DCLRE1C: variants seen among roughly 807,000 people sequenced by gnomAD.
DCLRE1C encodes the protein DNA cross-link repair 1C.
DCLRE1C carries 47 observed loss-of-function variants against 61.4 expected under a neutral mutation model. The observed-to-expected ratio is 0.77, with a 90% CI of 0.61 to 0.98. The LOEUF is 0.98. Among genes scored for constraint, DCLRE1C ranks in the 50% least tolerant of loss-of-function variants. The pLI is 0.00. For synonymous variants in DCLRE1C, 337 were observed against 287.6 expected (o/e 1.17, Z -1.74); for missense variants, 858 against 816.0 (o/e 1.05, Z -0.63).
chr10:14,933,036 A>T, intron 8 of DCLRE1C, 81 bp from the exon 9 acceptor site: 1 of 1,473,512 alleles, frequency 6.8e-7, no homozygotes, highest in South Asian at 1.1e-5. Context: ...TCAGGGCAAA[A>T]CACCCAGTTA....
chr10:14,901,051 G>C (rs1026328262), downstream of DCLRE1C: 2 of 1,523,670 alleles, frequency 1.3e-6, no homozygotes, highest in Non-Finnish European at 1.8e-6. Context: ...TAAATCTCTA[G>C]GAAAGTAAAC....
At chr10:14,941,310 G>T (rs114915341) in intron 3 of DCLRE1C, among the ~76,000 whole-genome samples, 394 of 152,168 alleles carry the variant, frequency 2.6e-3, no homozygotes, top group African/African-American at 9.0e-3. Context: ...TTTGAGACAG[G>T]CTCTCGCTGT....
intron 11 of DCLRE1C, 143 bp downstream of exon 11, chr10:14,926,700 C>A: frequency 2.8e-5 from 16 of 564,954 alleles, no homozygotes; most frequent in South Asian, 7.6e-5. Context: ...TGAGGATGAA[C>A]TGCATTTAGG....
exon 14 of DCLRE1C, chr10:14,899,031 G>T: frequency 1.7e-6 from 1 of 578,634 alleles, no homozygotes; most frequent in Non-Finnish European, 3.1e-6. Context: ...CTCAAATCCT[G>T]TTTAAAAAGT....
At chr10:14,938,221 C>T (rs576642745) in intron 4 of DCLRE1C, among the ~76,000 whole-genome samples, 4 of 152,316 alleles carry the variant, frequency 2.6e-5, no homozygotes, top group East Asian at 3.9e-4. Flanking sequence ...AGCCTGCTGT[C>T]GGCCCCCAGT....
intron 13 of DCLRE1C, chr10:14,899,546 C>T: frequency 6.2e-7 from 1 of 1,613,690 alleles, no homozygotes; most frequent in Non-Finnish European, 8.5e-7. Flanking sequence ...TAGGTAATCA[C>T]AAGTGAAGAA....
intron 11 of DCLRE1C, among the ~76,000 whole-genome samples, chr10:14,925,383 T>G (rs1837802025): frequency 6.6e-6 from 1 of 152,184 alleles, no homozygotes; most frequent in Non-Finnish European, 1.5e-5. Flanking sequence ...ATCAAATGCC[T>G]GCCTTAAAAT....
chr10:14,938,528 CTATAA>C (rs1480351921), intron 4 of DCLRE1C, among the ~76,000 whole-genome samples: 3 of 151,994 alleles, frequency 2.0e-5, no homozygotes, highest in Non-Finnish European at 4.4e-5. Context: ...AAGCAGTGTG[CTATAA>C]TCAAGCAACA....
intron 13 of DCLRE1C, among the ~76,000 whole-genome samples, chr10:14,915,067 G>C (rs961681492): frequency 6.6e-6 from 1 of 151,948 alleles, no homozygotes; most frequent in South Asian, 2.1e-4. Context: ...TAACCCATGT[G>C]TCAAAGAAAA....
intron 2 of DCLRE1C, 59 bp downstream of exon 2, chr10:14,948,977 C>T (rs1842077997): frequency 8.5e-7 from 1 of 1,176,770 alleles, no homozygotes; most frequent in Non-Finnish European, 1.3e-6. Flanking sequence ...CTTTTCTGTA[C>T]AGTTGTTATC....
At chr10:14,915,483 G>C (rs1157918158) in intron 13 of DCLRE1C, among the ~76,000 whole-genome samples, 1 of 151,788 alleles carries the variant, frequency 6.6e-6, no homozygotes, top group African/African-American at 2.4e-5. Context: ...TCTACAGATA[G>C]TAAAATAATA....
intron 13 of DCLRE1C, chr10:14,899,469 A>G: frequency 6.6e-7 from 1 of 1,513,856 alleles, no homozygotes. Context: ...TTCGCATATT[A>G]GTAGATAGGT....
intron 3 of DCLRE1C, among the ~76,000 whole-genome samples, chr10:14,941,388 G>T (rs1437628142): frequency 6.6e-6 from 1 of 151,940 alleles, no homozygotes; most frequent in Admixed American, 6.6e-5. Flanking sequence ...GGGCTCAAGT[G>T]ATTTTTCTGC....
At position 14,949,149 on chromosome 10, in the gene DCLRE1C, G is replaced by C. The variant is rs868699141; in HGVS notation, c.110-62C>G. The C allele has an allele frequency of 9.5e-6, 11 of 1,156,850 alleles. No individual in the cohort carries two copies. In the Middle Eastern group the frequency reaches 8.3e-4, roughly 88 times the overall value. 71.7% of individuals were successfully genotyped at this position (1,156,850 alleles called of 1,614,324 possible). The stretch of plus-strand genomic sequence containing the variant: ...TTCCAGAGGATTCCTTAGCCCAAGG[G>C]AAACAGTCGTCTTCTTTTTCAGCTT... On this transcript the variant is annotated intron_variant, in intron 1 of 13. Transcript: ENST00000378278.
intron 1 of DCLRE1C, among the ~76,000 whole-genome samples, chr10:14,951,659 T>C (rs1362004101): frequency 1.3e-5 from 2 of 152,136 alleles, no homozygotes; most frequent in African/African-American, 4.8e-5. Context: ...GCACTTTTCC[T>C]AACTTACAGA....
intron 1 of DCLRE1C, 60 bp from the exon 2 acceptor site, chr10:14,949,147 G>A: frequency 8.4e-7 from 1 of 1,192,970 alleles, no homozygotes; most frequent in Non-Finnish European, 1.2e-6. Context: ...CTTAGCCCAA[G>A]GGAAACAGTC....
intron 13 of DCLRE1C, among the ~76,000 whole-genome samples, chr10:14,917,935 A>G (rs1836474753): frequency 6.6e-6 from 1 of 152,242 alleles, no homozygotes; most frequent in Admixed American, 6.5e-5. Flanking sequence ...TAGTCATTAG[A>G]GAAATGCAAA....
chr10:14,938,967 A>C (rs190731142), intron 4 of DCLRE1C, among the ~76,000 whole-genome samples: 1 of 152,146 alleles, frequency 6.6e-6, no homozygotes, highest in African/African-American at 2.4e-5. Flanking sequence ...CCTCCCCAAA[A>C]TTCCTATGTT....
At chr10:14,930,097 G>A (rs1235889798) in intron 9 of DCLRE1C, among the ~76,000 whole-genome samples, 1 of 151,840 alleles carries the variant, frequency 6.6e-6, no homozygotes, top group African/African-American at 2.4e-5. Flanking sequence ...ACAGAAAAAG[G>A]GACAAAAAGG....
Sources: allele counts gnomAD v4.1 joint callset (sites outside exome capture counted in the v4.1 genomes callset), GRCh38; gene constraint gnomAD v4.1.1; transcripts MANE v1.5; gene names NCBI Gene and HGNC (gene_info 2026-07-23, HGNC 2026-07-21).